Variants in TTC28 observed in about 807,000 individuals in gnomAD.
The protein encoded by TTC28 is tetratricopeptide repeat protein 28.
Under a neutral mutation model 198.0 loss-of-function variants are expected in TTC28, and 61 were observed. The ratio of observed to expected loss-of-function variants is 0.31; its 90% confidence interval spans 0.25 to 0.38. The LOEUF is 0.38. Among genes scored for constraint, TTC28 ranks in the 10% least tolerant of loss-of-function variants. TTC28 has a pLI of 1.00. For synonymous variants in TTC28, 1,171 were observed against 1,297.8 expected (o/e 0.90, Z 2.10); for missense variants, 2,678 against 3,164.0 (o/e 0.85, Z 3.69).
At chr22:28,155,620 A>C (rs1943733367) in intron 6 of TTC28, among the ~76,000 whole-genome samples, 1 of 152,244 alleles carries the variant, frequency 6.6e-6, no homozygotes, top group Admixed American at 6.5e-5. Flanking sequence ...AGACAGGAAC[A>C]CAGGAATTAT....
At chr22:28,547,244 C>T (rs755733875) in intron 2 of TTC28, among the ~76,000 whole-genome samples, 4 of 151,934 alleles carry the variant, frequency 2.6e-5, no homozygotes, top group Non-Finnish European at 4.4e-5. Flanking sequence ...GTCTTATGCA[C>T]ACATACACAT....
At chr22:28,613,192 A>C (rs2050848522) in intron 2 of TTC28, among the ~76,000 whole-genome samples, 2 of 152,196 alleles carry the variant, frequency 1.3e-5, no homozygotes, top group Admixed American at 6.5e-5. Context: ...TAAACTAAAA[A>C]ATCTAGAAGA....
At chr22:28,313,706 G>A (rs537587456) in intron 2 of TTC28, among the ~76,000 whole-genome samples, 6 of 152,080 alleles carry the variant, frequency 3.9e-5, no homozygotes, top group Admixed American at 2.6e-4. Context: ...AAGATGGAAC[G>A]TATCTCAGCA....
chr22:28,010,788 C>T (rs1444383999), intron 14 of TTC28, among the ~76,000 whole-genome samples: 1 of 152,192 alleles, frequency 6.6e-6, no homozygotes, highest in East Asian at 1.9e-4. Context: ...AGGTTCAACC[C>T]AAGAGCGGCC....
At chr22:28,240,010 C>T (rs931205266) in intron 5 of TTC28, among the ~76,000 whole-genome samples, 14 of 152,306 alleles carry the variant, frequency 9.2e-5, no homozygotes, top group Admixed American at 3.3e-4. Flanking sequence ...TTGTAGGATG[C>T]TTAGCAGCAT....
chr22:28,160,450 A>G (rs1322347130), intron 6 of TTC28, among the ~76,000 whole-genome samples: 2 of 152,244 alleles, frequency 1.3e-5, no homozygotes, highest in Non-Finnish European at 2.9e-5. Flanking sequence ...CAATTCCCAC[A>G]TTTAACAAGT....
chr22:28,338,655 T>C (rs913057758), intron 2 of TTC28, among the ~76,000 whole-genome samples: 1 of 152,252 alleles, frequency 6.6e-6, no homozygotes, highest in Non-Finnish European at 1.5e-5. Context: ...TCTGCATTCA[T>C]CATGTAGTTC....
chr22:28,320,401 A>C (rs1041652408), intron 2 of TTC28, among the ~76,000 whole-genome samples: 3 of 152,198 alleles, frequency 2.0e-5, no homozygotes, highest in Admixed American at 6.5e-5. Flanking sequence ...TAAGTTTAGA[A>C]GAGAGAAACT....
intron 2 of TTC28, among the ~76,000 whole-genome samples, chr22:28,318,805 G>A (rs2045395928): frequency 7.2e-6 from 1 of 138,448 alleles, no homozygotes; most frequent in South Asian, 2.4e-4. Flanking sequence ...AGGCTGGGAA[G>A]TGTATTCTTT....
intron 1 of TTC28, among the ~76,000 whole-genome samples, chr22:28,636,245 C>T (rs548626344): frequency 1.5e-4 from 22 of 148,006 alleles, no homozygotes; most frequent in Non-Finnish European, 1.5e-4. Context: ...CCTGCCTCAG[C>T]CTCCCAAGTA....
intron 2 of TTC28, among the ~76,000 whole-genome samples, chr22:28,482,331 C>G (rs868107099): frequency 2.0e-5 from 3 of 149,646 alleles, no homozygotes; most frequent in Admixed American, 6.7e-5. Context: ...CCTGCCTCAG[C>G]CTCCCGAGTA....
At chr22:28,591,223 C>T (rs1601600494) in intron 2 of TTC28, among the ~76,000 whole-genome samples, 2 of 150,864 alleles carry the variant, frequency 1.3e-5, no homozygotes, top group African/African-American at 4.9e-5. Flanking sequence ...ATCCTCCTAC[C>T]TCAGCCTCCC....
intron 2 of TTC28, among the ~76,000 whole-genome samples, chr22:28,415,957 A>G (rs763527792): frequency 1.3e-5 from 2 of 152,208 alleles, no homozygotes; most frequent in African/African-American, 2.4e-5. Context: ...CCTTCAATAA[A>G]AAGTTTCAGA....
intron 2 of TTC28, among the ~76,000 whole-genome samples, chr22:28,622,388 C>T (rs898950915): frequency 6.6e-6 from 1 of 152,126 alleles, no homozygotes; most frequent in African/African-American, 2.4e-5. Flanking sequence ...TGAACTGAGA[C>T]CAGAGCTTCC....
chr22:28,530,020 TC>T (rs1487617107), intron 2 of TTC28, among the ~76,000 whole-genome samples: 1 of 152,136 alleles, frequency 6.6e-6, no homozygotes, highest in East Asian at 1.9e-4. Context: ...GGAACGAAGC[TC>T]CTCGCCAGCA....
chr22:28,095,266 G>T (rs887027832), intron 11 of TTC28, among the ~76,000 whole-genome samples: 6 of 151,928 alleles, frequency 3.9e-5, no homozygotes, highest in African/African-American at 1.5e-4. Flanking sequence ...TAAAGAACAT[G>T]GAACTAAAGG....
chr22:28,519,397 G>A (rs2048854609), intron 2 of TTC28, among the ~76,000 whole-genome samples: 3 of 152,164 alleles, frequency 2.0e-5, no homozygotes, highest in African/African-American at 7.2e-5. Context: ...CTAACAAATG[G>A]TTTGCAGGAT....
At chr22:28,021,421 C>T (rs140826289) in intron 13 of TTC28, among the ~76,000 whole-genome samples, 43 of 152,246 alleles carry the variant, frequency 2.8e-4, no homozygotes, top group Admixed American at 2.1e-3. Context: ...ACCTGAGGAA[C>T]GCATGAAGGG....
chr22:28,153,864 G>GAT (rs1943676267), intron 6 of TTC28, among the ~76,000 whole-genome samples: 1 of 152,142 alleles, frequency 6.6e-6, no homozygotes, highest in Non-Finnish European at 1.5e-5. Flanking sequence ...TCTGACCTCA[G>GAT]GCCTTGGTGG....
Sources: allele counts gnomAD v4.1 joint callset (sites outside exome capture counted in the v4.1 genomes callset), GRCh38; gene constraint gnomAD v4.1.1; transcripts MANE v1.5; gene names NCBI Gene and HGNC (gene_info 2026-07-23, HGNC 2026-07-21).